Variants in EMCN observed in about 807,000 individuals in gnomAD.
The protein encoded by EMCN is endomucin.
Under a neutral mutation model 38.4 loss-of-function variants are expected in EMCN, and 37 were observed. That is an observed-to-expected ratio of 0.96 (90% CI 0.74 to 1.27). The LOEUF is 1.27. Among genes scored for constraint, EMCN ranks in the 50% most tolerant of loss-of-function variants. The pLI is 0.00. For missense variants in EMCN, 318 were observed against 302.8 expected (o/e 1.05, Z -0.37); for synonymous variants, 95 against 100.8 (o/e 0.94, Z 0.35).
chr4:100,492,234 A>C lies in EMCN; in HGVS notation c.65-12195T>G, dbSNP rs773683502. On this transcript the variant is annotated intron_variant, in intron 1 of 11. Coordinates refer to ENST00000296420, the MANE Select transcript of EMCN (RefSeq NM_016242.4). Reference sequence around the variant, plus strand: ...AGAAATAGAAACAACTTAGAAAACCAAATAGAAATCCTTGAGATAAAGAAT... The same window carrying C: ...AGAAATAGAAACAACTTAGAAAACCCAATAGAAATCCTTGAGATAAAGAAT... Among the ~76,000 whole-genome samples the C allele has an allele frequency of 8.4e-4, 128 of 152,310 alleles. 2 individuals are homozygous for C. Among genetic ancestry groups the C allele is most frequent in the Non-Finnish European group, 3.4e-4 (23 of 68,020 alleles).
At chr4:100,415,480 A>G (rs1252774978) in intron 10 of EMCN, among the ~76,000 whole-genome samples, 1 of 152,242 alleles carries the variant, frequency 6.6e-6, no homozygotes, top group African/African-American at 2.4e-5. Flanking sequence ...TTAAATGTAT[A>G]TAAATGATAT....
At chr4:100,475,681 T>G (rs1286119166) in intron 2 of EMCN, among the ~76,000 whole-genome samples, 4 of 128,238 alleles carry the variant, frequency 3.1e-5, no homozygotes, top group Non-Finnish European at 6.5e-5. Context: ...TTTTTTTTTT[T>G]TTTTTTTTTT....
At position 100,403,064 on chromosome 4, in the gene EMCN, G is replaced by T. The variant is rs147486457; in HGVS notation, c.*40-4691C>A. Among the ~76,000 whole-genome samples, 209 of 152,184 alleles carry T rather than the reference G, an allele frequency of 1.4e-3. 1 individual carries two copies. The highest frequency in any genetic ancestry group is 4.8e-3 in the African/African-American group (199 of 41,552). ...TTGCATAGGATGGACCAACTTCCAG[G>T]TTCCTTTTTTTTCCTTTAAAACTTT... On this transcript the variant is annotated intron_variant, in intron 11 of 11. Transcript: ENST00000296420.
chr4:100,417,080 G>T (rs774616282), intron 9 of EMCN, 37 bp downstream of exon 9: 1 of 1,603,292 alleles, frequency 6.2e-7, no homozygotes, highest in South Asian at 1.1e-5. Flanking sequence ...TACGTAAATG[G>T]TAGGGTCTAA....
At chr4:100,468,708 C>G (rs357657) in intron 3 of EMCN, among the ~76,000 whole-genome samples, 124,316 of 151,996 alleles carry the variant, frequency 0.82, 52,245 homozygotes, top group South Asian at 0.96. Flanking sequence ...GAGCTGCACA[C>G]TGAAAACTAT....
intron 4 of EMCN, among the ~76,000 whole-genome samples, chr4:100,454,996 C>T (rs1282641083): frequency 1.3e-5 from 2 of 152,082 alleles, no homozygotes; most frequent in Non-Finnish European, 2.9e-5. Context: ...TCCAGTTTAA[C>T]AATCTTATCT....
intron 1 of EMCN, among the ~76,000 whole-genome samples, chr4:100,502,667 A>G (rs2110302326): frequency 6.6e-6 from 1 of 152,298 alleles, no homozygotes; most frequent in South Asian, 2.1e-4. Context: ...TCTTATTGTT[A>G]TTCTCACAAA....
intron 5 of EMCN, among the ~76,000 whole-genome samples, chr4:100,437,784 C>T (rs1239931399): frequency 3.9e-5 from 6 of 151,962 alleles, no homozygotes; most frequent in African/African-American, 1.4e-4. Flanking sequence ...TATGCCAGCA[C>T]CATATTGTTT....
chr4:100,485,937 AAG>A lies in EMCN; in HGVS notation c.65-5900_65-5899del, dbSNP rs765360952. Reference sequence around the variant, plus strand: ...AAAATGTATAAGTAACTCATTAGCCAAGAGTCATTTGCCTCAATAAATATTTA... The same window carrying A: ...AAAATGTATAAGTAACTCATTAGCCAAGTCATTTGCCTCAATAAATATTTA... On this transcript the variant is annotated intron_variant, in intron 1 of 11. Coordinates refer to ENST00000296420, the MANE Select transcript of EMCN (RefSeq NM_016242.4). Among the ~76,000 whole-genome samples, 74 of 152,322 alleles carry A rather than the reference AAG, an allele frequency of 4.9e-4. 1 individual carries two copies. Among genetic ancestry groups the A allele is most frequent in the Non-Finnish European group, 7.9e-4 (54 of 68,008 alleles).
At chr4:100,423,954 C>T (rs1726973141) in intron 5 of EMCN, among the ~76,000 whole-genome samples, 1 of 151,974 alleles carries the variant, frequency 6.6e-6, no homozygotes, top group Non-Finnish European at 1.5e-5. Context: ...TTATTATGTG[C>T]CTTTTCTAGA....
chr4:100,507,413 T>C (rs1253259796), intron 1 of EMCN, among the ~76,000 whole-genome samples: 13 of 152,178 alleles, frequency 8.5e-5, no homozygotes, highest in Admixed American at 8.5e-4. Flanking sequence ...ACCAATATTT[T>C]CCCTGAAAGC....
chr4:100,448,826 C>CCTTCCTTCCTTCCTTCCTT (rs1179151604), intron 4 of EMCN, among the ~76,000 whole-genome samples: 1 of 139,246 alleles, frequency 7.2e-6, no homozygotes, highest in African/African-American at 2.8e-5. Flanking sequence ...CTTCCTTCCT[C>CCTTCCTTCCTTCCTTCCTT]CCTCCCTCCC....
intron 4 of EMCN, among the ~76,000 whole-genome samples, chr4:100,460,082 C>A (rs1199504506): frequency 2.0e-5 from 3 of 152,150 alleles, no homozygotes; most frequent in Non-Finnish European, 2.9e-5. Context: ...TCTTTGACAG[C>A]ACTTTTTATC....
At chr4:100,497,565 G>A (rs1729242235) in intron 1 of EMCN, among the ~76,000 whole-genome samples, 1 of 152,006 alleles carries the variant, frequency 6.6e-6, no homozygotes, top group Non-Finnish European at 1.5e-5. Flanking sequence ...TTTTAGTAAA[G>A]CCGGGTTTCA....
rs547195229 is a variant in EMCN at position 100,424,169 on chromosome 4, ATAAT to A, written c.416-769_416-766del. On this transcript the variant is annotated intron_variant, in intron 5 of 11. Transcript: ENST00000296420. ...GTCAATAAGTTTAAAGGAAATATAAATAATTAAGTATTGTATAAGTTGAAAACAT... is the reference window on the plus strand; with the variant it reads ...GTCAATAAGTTTAAAGGAAATATAAATAAGTATTGTATAAGTTGAAAACAT... 3.2e-3 allele frequency among the ~76,000 whole-genome samples: 484 copies of A among 152,270 alleles called. 7 individuals carry two copies. Among genetic ancestry groups the A allele is most frequent in the South Asian group, 0.022 (106 of 4,822 alleles).
At chr4:100,512,068 G>A (rs1242819780) in intron 1 of EMCN, among the ~76,000 whole-genome samples, 1 of 152,178 alleles carries the variant, frequency 6.6e-6, no homozygotes, top group Non-Finnish European at 1.5e-5. Context: ...ATGCATTAAA[G>A]TGAGGCAAGC....
chr4:100,493,227 T>C (rs1222051236), intron 1 of EMCN, among the ~76,000 whole-genome samples: 1 of 152,202 alleles, frequency 6.6e-6, no homozygotes, highest in African/African-American at 2.4e-5. Context: ...CCCTAACTCA[T>C]AATCTTATTC....
At chr4:100,485,950 C>T (rs1250753008) in intron 1 of EMCN, among the ~76,000 whole-genome samples, 7 of 152,212 alleles carry the variant, frequency 4.6e-5, no homozygotes, top group Admixed American at 4.6e-4. Flanking sequence ...AGTCATTTGC[C>T]TCAATAAATA....
chr4:100,417,358 A>G (rs1726765668), intron 8 of EMCN, among the ~76,000 whole-genome samples: 1 of 152,190 alleles, frequency 6.6e-6, no homozygotes, highest in Non-Finnish European at 1.5e-5. Flanking sequence ...AATTAGGTCA[A>G]GTCCACTAAA....
Sources: gnomAD v4.1 joint callset for allele counts (sites outside exome capture counted in the v4.1 genomes callset) on GRCh38, gnomAD v4.1.1 for gene constraint, MANE v1.5 for transcripts, NCBI Gene and HGNC (gene_info 2026-07-23, HGNC 2026-07-21) for gene names.